The following PHTF2 variants were observed in gnomAD, a reference collection of about 807,000 sequenced individuals.
The protein encoded by PHTF2 is putative homeodomain transcription factor 2, also known as protein PHTF2.
A neutral mutation model predicts 101.2 loss-of-function variants in PHTF2; 60 were observed. The ratio of observed to expected loss-of-function variants is 0.59; its 90% confidence interval spans 0.48 to 0.73. The LOEUF (loss-of-function observed/expected upper bound fraction) is 0.73. PHTF2 is among the 30% of genes least tolerant of loss of function. PHTF2 has a pLI of 0.00. For missense variants in PHTF2, 747 were observed against 908.7 expected, an observed-to-expected ratio of 0.82 and a Z score of 2.29; for synonymous variants, 311 against 307.3, an observed-to-expected ratio of 1.01 and a Z score of -0.13.
At chr7:77,840,325 G>C (rs1327465341) in intron 2 of PHTF2, 25 bp downstream of exon 2, 1 of 1,514,240 alleles carries the variant, frequency 6.6e-7, no homozygotes, top group Non-Finnish European at 9.2e-7. Context: ...AAAACTTTTA[G>C]CTTTCTAAAT....
chr7:77,911,496 A>G (rs1199227374), intron 9 of PHTF2, among the ~76,000 whole-genome samples: 3 of 152,304 alleles, frequency 2.0e-5, no homozygotes, highest in Middle Eastern at 3.4e-3. Flanking sequence ...TTAAAAGGCT[A>G]TGATCAAAAT....
intron 3 of PHTF2, among the ~76,000 whole-genome samples, chr7:77,866,066 C>T (rs1343066812): frequency 6.6e-6 from 1 of 151,606 alleles, no homozygotes; most frequent in Non-Finnish European, 1.5e-5. Flanking sequence ...CACCTGTAGT[C>T]CCAGCTATTT....
At chr7:77,938,545 A>G (rs1053735675) in intron 13 of PHTF2, among the ~76,000 whole-genome samples, 13 of 152,130 alleles carry the variant, frequency 8.5e-5, no homozygotes, top group Non-Finnish European at 1.8e-4. Flanking sequence ...CCTGGCTAAC[A>G]TGGTGAAACC....
exon 17 of PHTF2, chr7:77,949,802 A>G (rs771280012): frequency 6.5e-7 from 1 of 1,533,600 alleles, no homozygotes; most frequent in Non-Finnish European, 8.9e-7. Context: ...AGTAAAAAAT[A>G]TAGTAATACC....
chr7:77,890,289 C>T (rs1269509531), intron 3 of PHTF2, among the ~76,000 whole-genome samples: 1 of 152,096 alleles, frequency 6.6e-6, no homozygotes, highest in Non-Finnish European at 1.5e-5. Flanking sequence ...AACCTCGGGC[C>T]TATTAAGTAC....
At chr7:77,812,738 C>A (rs571171010) in intron 1 of PHTF2, among the ~76,000 whole-genome samples, 4 of 152,022 alleles carry the variant, frequency 2.6e-5, no homozygotes, top group Non-Finnish European at 4.4e-5. Flanking sequence ...TACAGGCGCA[C>A]GCCACCACGC....
chr7:77,954,722 A>G lies in PHTF2; in HGVS notation c.2338-136A>G, dbSNP rs1277067301. 5 of 432,174 alleles carry G rather than the reference A, an allele frequency of 1.2e-5. No homozygotes were observed. In the East Asian group the frequency reaches 1.7e-4, roughly 15 times the overall value. The allele number at this position is 432,174 out of a possible 1,614,324, so 26.8% of individuals were successfully genotyped here. A position where few individuals can be genotyped will look rare whatever the true frequency, so the allele number is the denominator to read the frequency against. On this transcript the variant is annotated intron_variant, in intron 19 of 19. Coordinates refer to ENST00000416283, the Ensembl canonical transcript of PHTF2. ...GTGTTTAAGGTGAGTTCTTCTTAAAAGGATAAAGGAGTTAAAATATTAGAA... is the reference window on the plus strand; with the variant it reads ...GTGTTTAAGGTGAGTTCTTCTTAAAGGGATAAAGGAGTTAAAATATTAGAA...
chr7:77,938,022 AT>A (rs1220681937), intron 13 of PHTF2, 184 bp downstream of exon 12: 1 of 262,248 alleles, frequency 3.8e-6, no homozygotes, highest in Non-Finnish European at 7.2e-6. Flanking sequence ...AACCACTCTC[AT>A]CTTCTAGTGT....
At chr7:77,914,922 T>G (rs73375878) in intron 9 of PHTF2, among the ~76,000 whole-genome samples, 3,255 of 152,274 alleles carry the variant, frequency 0.021, 124 homozygotes, top group African/African-American at 0.074. Context: ...ATTAGTTTTT[T>G]TGGGGTGGAG....
chr7:77,903,888 A>C (rs189196776), intron 7 of PHTF2, among the ~76,000 whole-genome samples: 248 of 152,338 alleles, frequency 1.6e-3, no homozygotes, highest in African/African-American at 5.5e-3. Context: ...AGGCAGAAAG[A>C]ATCAAATGCA....
At chr7:77,921,624 C>T (rs1803469815) in intron 10 of PHTF2, among the ~76,000 whole-genome samples, 1 of 152,128 alleles carries the variant, frequency 6.6e-6, no homozygotes, top group African/African-American at 2.4e-5. Context: ...AGATTTTTTT[C>T]AGCATTTAGC....
At chr7:77,955,668 A>G (rs1208559166) in exon 20 of PHTF2, 1 of 152,544 alleles carries the variant, frequency 6.6e-6, no homozygotes, top group East Asian at 1.9e-4. Flanking sequence ...ATGATATGGT[A>G]TCCTTTTGAG....
intron 1 of PHTF2, among the ~76,000 whole-genome samples, chr7:77,826,590 GAAA>G (rs1584411694): frequency 6.6e-6 from 1 of 151,968 alleles, no homozygotes; most frequent in Admixed American, 6.6e-5. Context: ...AGAAGAGAAA[GAAA>G]AAAAGTGCTT....
intron 9 of PHTF2, among the ~76,000 whole-genome samples, chr7:77,918,246 G>C (rs1803115070): frequency 6.6e-6 from 1 of 151,868 alleles, no homozygotes; most frequent in Non-Finnish European, 1.5e-5. Flanking sequence ...ATAGAGTCTG[G>C]TTCATTCTAC....
At chr7:77,936,876 G>A (rs1805187123) in intron 12 of PHTF2, among the ~76,000 whole-genome samples, 1 of 151,856 alleles carries the variant, frequency 6.6e-6, no homozygotes, top group African/African-American at 2.4e-5. Flanking sequence ...TGGGCGCAGT[G>A]GTTCACACCT....
intron 17 of PHTF2, among the ~76,000 whole-genome samples, chr7:77,950,785 G>A (rs1481842079): frequency 6.6e-6 from 1 of 152,108 alleles, no homozygotes; most frequent in Non-Finnish European, 1.5e-5. Flanking sequence ...CTGTAGACTT[G>A]TTACCCTATG....
intron 1 of PHTF2, among the ~76,000 whole-genome samples, chr7:77,823,244 C>T (rs144761888): frequency 0.025 from 3,690 of 149,798 alleles, 65 homozygotes; most frequent in Middle Eastern, 0.073. Flanking sequence ...TTTTTGGAGA[C>T]GGAGTCTCGC....
In PHTF2 at chr7:77,923,617, A is replaced by G. The variant is rs889503718; in HGVS notation, c.1119+839A>G. ...TTTTCCCAGTGGTTGCCATACAGAC[A>G]CTAATGCCAGTGTGTCTGCTCTATT... On this transcript the variant is annotated intron_variant, in intron 11 of 19. Transcript: ENST00000416283. The G allele has an allele frequency of 5.6e-5, 55 of 985,084 alleles. No homozygotes were observed. In the African/African-American group the frequency reaches 9.3e-4, roughly 17 times the overall value. The allele number at this position is 985,084 out of a possible 1,614,324, so 61.0% of individuals were successfully genotyped here. A position where few individuals can be genotyped will look rare whatever the true frequency, so the allele number is the denominator to read the frequency against.
At chr7:77,940,434 TAA>T (rs1805548518) in intron 14 of PHTF2, 92 bp from the exon 14 acceptor site, 2 of 1,309,888 alleles carry the variant, frequency 1.5e-6, no homozygotes, top group East Asian at 5.0e-5. Context: ...TTATAGTACC[TAA>T]CCAAATAAAA....
Sources: allele counts gnomAD v4.1 joint callset (sites outside exome capture counted in the v4.1 genomes callset), GRCh38; gene constraint gnomAD v4.1.1; transcripts MANE v1.5; gene names NCBI Gene and HGNC (gene_info 2026-07-23, HGNC 2026-07-21).